The following CUL5 variants were observed in gnomAD, a reference collection of about 807,000 sequenced individuals.
CUL5 encodes cullin-5.
In CUL5, 26 loss-of-function variants were observed where a neutral mutation model predicts 108.8. The ratio of observed to expected loss-of-function variants is 0.24; its 90% CI spans 0.18 to 0.33. The LOEUF (loss-of-function observed/expected upper bound fraction) is 0.33. Ranked by LOEUF, CUL5 falls within the 10% of genes least tolerant of loss-of-function variation. CUL5 has a pLI of 1.00. For synonymous variants in CUL5, 334 were observed against 298.0 expected, an observed-to-expected ratio of 1.12 and a Z score of -1.25; for missense variants, 524 against 909.2, an observed-to-expected ratio of 0.58 and a Z score of 5.45.
intron 2 of CUL5, among the ~76,000 whole-genome samples, chr11:108,043,689 A>G (rs1862994174): frequency 6.6e-6 from 1 of 152,198 alleles, no homozygotes; most frequent in Admixed American, 6.5e-5. Context: ...AAATAAGGAT[A>G]AAATAGTAGT....
intron 13 of CUL5, among the ~76,000 whole-genome samples, chr11:108,090,659 A>T (rs988862746): frequency 1.3e-5 from 2 of 152,188 alleles, no homozygotes; most frequent in Admixed American, 1.3e-4. Flanking sequence ...ATCAATGCTG[A>T]TTATAACTAA....
intron 10 of CUL5, among the ~76,000 whole-genome samples, chr11:108,075,309 T>C (rs1408040501): frequency 1.3e-5 from 2 of 152,172 alleles, no homozygotes; most frequent in African/African-American, 4.8e-5. Context: ...AGGAAACTTA[T>C]TTAAAACCCT....
intron 1 of CUL5, among the ~76,000 whole-genome samples, chr11:108,022,565 T>A (rs569278274): frequency 4.1e-4 from 63 of 152,210 alleles, no homozygotes; most frequent in Non-Finnish European, 6.9e-4. Context: ...TAACATCTTA[T>A]ATTTCTGGCT....
chr11:108,056,336 T>C (rs1863376547), intron 7 of CUL5, among the ~76,000 whole-genome samples: 1 of 152,222 alleles, frequency 6.6e-6, no homozygotes, highest in Admixed American at 6.5e-5. Flanking sequence ...CTGAATGGGA[T>C]TTAAAATTTT....
chr11:108,097,706 A>G lies in CUL5; in HGVS notation c.1976A>G (p.Asp659Gly). The change falls in exon 17 of 19, where the codon GAC becomes GGC. Residue 659 changes from aspartate to glycine, a missense_variant. Coordinates refer to ENST00000393094, the MANE Select transcript of CUL5 (RefSeq NM_003478.6). ...GAACCTCAAGTCAACTCACCCAAAG[A>G]CTTTACAGAAGGTACCCTCTTCTCA... ...LYEPQVNSPK[D>G]FTEGTLFSVN... 2 of 1,613,586 alleles carry G rather than the reference A, an allele frequency of 1.2e-6. No individual in the cohort carries two copies. The highest frequency in any genetic ancestry group is 1.7e-6 in the Non-Finnish European group (2 of 1,179,618).
intron 1 of CUL5, among the ~76,000 whole-genome samples, chr11:108,032,037 G>C (rs1862598655): frequency 6.6e-6 from 1 of 152,184 alleles, no homozygotes; most frequent in Non-Finnish European, 1.5e-5. Context: ...AGGGTGGGAG[G>C]AGGGAGAGGA....
At chr11:108,022,798 G>C (rs1378476662) in intron 1 of CUL5, among the ~76,000 whole-genome samples, 1 of 152,144 alleles carries the variant, frequency 6.6e-6, no homozygotes, top group Non-Finnish European at 1.5e-5. Context: ...ACTACAGTGA[G>C]CAGTGATGGT....
At chr11:108,058,234 A>T (rs1591304684) in intron 7 of CUL5, among the ~76,000 whole-genome samples, 3 of 135,978 alleles carry the variant, frequency 2.2e-5, no homozygotes, top group Non-Finnish European at 3.2e-5. Context: ...AAAGAATATT[A>T]TGAAGAGTGC....
intron 8 of CUL5, among the ~76,000 whole-genome samples, chr11:108,070,969 C>T (rs1001310296): frequency 1.3e-5 from 2 of 152,174 alleles, no homozygotes; most frequent in African/African-American, 4.8e-5. Flanking sequence ...AGAGTTATGT[C>T]TGATCTATGT....
intron 7 of CUL5, among the ~76,000 whole-genome samples, chr11:108,066,826 T>C (rs1319446472): frequency 6.6e-6 from 1 of 152,226 alleles, no homozygotes; most frequent in Admixed American, 6.5e-5. Context: ...TGCTTATTAG[T>C]GAAGATCTTC....
intron 11 of CUL5, among the ~76,000 whole-genome samples, chr11:108,080,629 C>A (rs913957449): frequency 1.3e-5 from 2 of 151,902 alleles, no homozygotes; most frequent in South Asian, 4.2e-4. Flanking sequence ...CTCTTGACCT[C>A]GTGATTTGCC....
intron 1 of CUL5, among the ~76,000 whole-genome samples, chr11:108,013,547 A>G (rs17616401): frequency 0.017 from 2,573 of 152,192 alleles, 48 homozygotes; most frequent in Non-Finnish European, 0.021. Flanking sequence ...TTGTTGGCTC[A>G]CTAGCATGCC....
chr11:108,045,437 T>A (rs538245858), intron 2 of CUL5, among the ~76,000 whole-genome samples: 22 of 151,902 alleles, frequency 1.4e-4, no homozygotes, highest in Admixed American at 9.2e-4. Flanking sequence ...ACCAAAAATT[T>A]AAAAAACTAG....
chr11:108,084,138 T>G (rs187210637), intron 11 of CUL5, among the ~76,000 whole-genome samples: 2 of 152,274 alleles, frequency 1.3e-5, no homozygotes, highest in East Asian at 3.9e-4. Flanking sequence ...TCCAAGTTAT[T>G]TGGGAGACTT....
chr11:108,102,196 A>AT (rs1864690181), intron 18 of CUL5, among the ~76,000 whole-genome samples: 4 of 151,636 alleles, frequency 2.6e-5, no homozygotes, highest in African/African-American at 7.3e-5. Context: ...TATTTTTTGT[A>AT]TTTTTTGTAT....
Position 108,068,811 on chromosome 11 carries a change from C to T in CUL5, c.781-1285C>T, listed in dbSNP as rs554138185. On this transcript the variant is annotated intron_variant, in intron 7 of 18. Transcript: ENST00000393094. Reference sequence around the variant, plus strand: ...AGATTTTCCTGATGGCCTCCTAGAGCACTAGACCCTTGCTATCTTACCTGA... The same window carrying T: ...AGATTTTCCTGATGGCCTCCTAGAGTACTAGACCCTTGCTATCTTACCTGA... Among the ~76,000 whole-genome samples, 3 of 152,284 alleles carry T rather than the reference C, an allele frequency of 2.0e-5. No individual in the cohort carries two copies. The East Asian group carries it at 5.8e-4, about 29-fold the overall frequency.
At chr11:108,098,355 A>T in intron 17 of CUL5, 51 bp from the exon 18 acceptor site, 1 of 1,513,420 alleles carries the variant, frequency 6.6e-7, no homozygotes, top group Non-Finnish European at 9.0e-7. Flanking sequence ...CTATAATAGG[A>T]TTTTTAAAGT....
At chr11:108,081,891 G>A (rs905847739) in intron 11 of CUL5, among the ~76,000 whole-genome samples, 1 of 152,244 alleles carries the variant, frequency 6.6e-6, no homozygotes, top group African/African-American at 2.4e-5. Flanking sequence ...TTAAAAGCAA[G>A]ATGTGTGCAT....
chr11:108,067,339 T>C (rs1863711658), intron 7 of CUL5, among the ~76,000 whole-genome samples: 1 of 152,228 alleles, frequency 6.6e-6, no homozygotes, highest in East Asian at 1.9e-4. Context: ...TTTACCAAAT[T>C]CTTCTCAGTT....
Sources: allele counts gnomAD v4.1 joint callset (sites outside exome capture counted in the v4.1 genomes callset), GRCh38; gene constraint gnomAD v4.1.1; transcripts MANE v1.5; gene names NCBI Gene and HGNC (gene_info 2026-07-23, HGNC 2026-07-21).